The following GPC5 variants were observed in gnomAD, a reference collection of about 807,000 sequenced individuals.
GPC5 encodes glypican-5.
A neutral mutation model predicts 53.9 loss-of-function variants in GPC5; 47 were observed. The observed-to-expected ratio is 0.87, with a 90% CI of 0.69 to 1.11. The LOEUF (loss-of-function observed/expected upper bound fraction) is 1.11. Among genes scored for constraint, GPC5 ranks in the 50% most tolerant of loss-of-function variants. The pLI, the probability that GPC5 is intolerant of heterozygous loss-of-function variation, is 0.00. For missense variants in GPC5, 748 were observed against 713.1 expected, an observed-to-expected ratio of 1.05 and a Z score of -0.56; for synonymous variants, 286 against 263.3, an observed-to-expected ratio of 1.09 and a Z score of -0.84.
At chr13:91,581,331 A>C (rs756516744) in intron 2 of GPC5, among the ~76,000 whole-genome samples, 2 of 152,200 alleles carry the variant, frequency 1.3e-5, no homozygotes, top group East Asian at 3.8e-4. Context: ...ATATAACACT[A>C]TTTTGGCCCC....
intron 7 of GPC5, among the ~76,000 whole-genome samples, chr13:92,181,716 AGTTTGAT>A (rs1269373702): frequency 6.6e-6 from 1 of 152,198 alleles, no homozygotes; most frequent in Non-Finnish European, 1.5e-5. Flanking sequence ...CTGACATCTC[AGTTTGAT>A]GTTTGTGTAT....
chr13:91,681,300 A>G (rs1055570762), intron 2 of GPC5, among the ~76,000 whole-genome samples: 1 of 152,198 alleles, frequency 6.6e-6, no homozygotes, highest in Non-Finnish European at 1.5e-5. Context: ...TTACCAATAG[A>G]GGGTATAAGA....
At chr13:92,533,274 A>G (rs763675015) in intron 7 of GPC5, among the ~76,000 whole-genome samples, 6 of 152,134 alleles carry the variant, frequency 3.9e-5, no homozygotes, top group Non-Finnish European at 5.9e-5. Context: ...GTATGTTCTC[A>G]TACTGTAGGT....
intron 2 of GPC5, among the ~76,000 whole-genome samples, chr13:91,492,944 C>T (rs1353801400): frequency 6.6e-6 from 1 of 152,112 alleles, no homozygotes; most frequent in African/African-American, 2.4e-5. Flanking sequence ...CCTCTTTCCC[C>T]CCAGTGCTTC....
chr13:91,472,876 C>G (rs1465224252), intron 2 of GPC5, among the ~76,000 whole-genome samples: 1 of 152,048 alleles, frequency 6.6e-6, no homozygotes, highest in Non-Finnish European at 1.5e-5. Flanking sequence ...TTTTCTGGAC[C>G]TGAGATTCTG....
chr13:92,631,939 CA>C, intron 7 of GPC5, among the ~76,000 whole-genome samples: 1 of 152,254 alleles, frequency 6.6e-6, no homozygotes, highest in East Asian at 1.9e-4. Flanking sequence ...TATGTATATG[CA>C]AATATTCCAA....
chr13:92,275,309 C>T (rs1323540608), intron 7 of GPC5, among the ~76,000 whole-genome samples: 2 of 151,958 alleles, frequency 1.3e-5, no homozygotes, highest in African/African-American at 4.8e-5. Context: ...GGATCCAGAG[C>T]AATGTGAGCA....
intron 7 of GPC5, among the ~76,000 whole-genome samples, chr13:92,788,334 TGTA>T (rs1372780101): frequency 6.6e-6 from 1 of 152,148 alleles, no homozygotes; most frequent in African/African-American, 2.4e-5. Context: ...ATTCTACAAA[TGTA>T]GAGTGTATAT....
At chr13:92,298,066 T>C (rs745992294) in intron 7 of GPC5, among the ~76,000 whole-genome samples, 2 of 151,998 alleles carry the variant, frequency 1.3e-5, no homozygotes, top group Non-Finnish European at 2.9e-5. Flanking sequence ...ATCATGACTG[T>C]CTCCACTGTG....
rs890076606 is a variant in GPC5, at chr13:92,322,342, GA to G, written c.1561+177362del. 1.1e-3 allele frequency among the ~76,000 whole-genome samples: 165 copies of G among 148,940 alleles called. 1 individual carries two copies. Among genetic ancestry groups the G allele is most frequent in the African/African-American group, 3.7e-3 (150 of 40,416 alleles). On this transcript the variant is annotated intron_variant, in intron 7 of 7. Coordinates refer to ENST00000377067, the MANE Select transcript of GPC5 (RefSeq NM_004466.6). ...CTAAATTTAGGGCATAAAATAAAAA[GA>G]AAAAAAAATAAAGGCAAATTATATG...
chr13:92,102,031 T>G (rs1043970041), intron 6 of GPC5, among the ~76,000 whole-genome samples: 2 of 152,172 alleles, frequency 1.3e-5, no homozygotes, highest in Admixed American at 6.6e-5. Context: ...GTCTGGAGAA[T>G]GGAGCAGATA....
chr13:92,660,365 C>T (rs1886293328), intron 7 of GPC5, among the ~76,000 whole-genome samples: 1 of 151,652 alleles, frequency 6.6e-6, no homozygotes, highest in Non-Finnish European at 1.5e-5. Context: ...GATTAAACAG[C>T]CAGACACACA....
At chr13:91,814,650 T>C (rs57676883) in intron 5 of GPC5, among the ~76,000 whole-genome samples, 13,932 of 151,966 alleles carry the variant, frequency 0.092, 1,196 homozygotes, top group East Asian at 0.22. Flanking sequence ...AAGCGATTCT[T>C]CTGTCTCAGC....
At chr13:92,142,823 G>C (rs1029953956) in intron 6 of GPC5, among the ~76,000 whole-genome samples, 1 of 152,130 alleles carries the variant, frequency 6.6e-6, no homozygotes, top group South Asian at 2.1e-4. Context: ...ACGGGAAAAT[G>C]TTGGAAAAGA....
chr13:91,707,797 A>C (rs937246497), intron 3 of GPC5, among the ~76,000 whole-genome samples: 12 of 152,096 alleles, frequency 7.9e-5, no homozygotes, highest in Admixed American at 1.3e-4. Context: ...AGCTAATTTC[A>C]TGCCAAGGTA....
chr13:92,349,676 C>T (rs1383953350), intron 7 of GPC5, among the ~76,000 whole-genome samples: 2 of 151,778 alleles, frequency 1.3e-5, no homozygotes, highest in Non-Finnish European at 2.9e-5. Context: ...ATACAACCTA[C>T]CAAGATTGAA....
At chr13:91,471,338 A>G (rs1882612204) in intron 2 of GPC5, among the ~76,000 whole-genome samples, 3 of 151,646 alleles carry the variant, frequency 2.0e-5, no homozygotes, top group Admixed American at 1.3e-4. Context: ...AGAATTTACT[A>G]TAATTTCAGC....
chr13:91,437,402 G>A (rs1440622386), intron 1 of GPC5, among the ~76,000 whole-genome samples: 1 of 152,156 alleles, frequency 6.6e-6, no homozygotes, highest in Non-Finnish European at 1.5e-5. Flanking sequence ...AAATCTCTTA[G>A]CATTTGCTTG....
At chr13:92,221,749 C>T (rs1377370873) in intron 7 of GPC5, among the ~76,000 whole-genome samples, 2 of 152,066 alleles carry the variant, frequency 1.3e-5, no homozygotes, top group Admixed American at 6.6e-5. Context: ...GCAATGCAAC[C>T]TTTCTTCATT....
Sources: gnomAD v4.1 joint callset for allele counts (sites outside exome capture counted in the v4.1 genomes callset) on GRCh38, gnomAD v4.1.1 for gene constraint, MANE v1.5 for transcripts, NCBI Gene and HGNC (gene_info 2026-07-23, HGNC 2026-07-21) for gene names.